GNAI1: variants seen among roughly 807,000 people sequenced by gnomAD.
GNAI1 encodes the protein G protein subunit alpha i1, also known as guanine nucleotide-binding protein G(i) subunit alpha-1.
GNAI1 carries 11 observed loss-of-function variants against 38.9 expected under a neutral mutation model. The ratio of observed to expected loss-of-function variants is 0.28; its 90% CI spans 0.18 to 0.47. The LOEUF is 0.47. GNAI1 is among the 20% of genes least tolerant of loss of function. GNAI1 has a pLI of 0.99. For missense variants in GNAI1, 317 were observed against 436.9 expected, an observed-to-expected ratio of 0.73 and a Z score of 2.45; for synonymous variants, 166 against 145.1, an observed-to-expected ratio of 1.14 and a Z score of -1.04.
intron 1 of GNAI1, among the ~76,000 whole-genome samples, chr7:80,159,237 C>T (rs1787876187): frequency 6.6e-6 from 1 of 152,042 alleles, no homozygotes; most frequent in South Asian, 2.1e-4. Context: ...TTAGCAGTGC[C>T]CTTGTGCCCT....
intron 1 of GNAI1, among the ~76,000 whole-genome samples, chr7:80,145,348 A>G (rs1346771993): frequency 1.3e-5 from 2 of 152,152 alleles, no homozygotes; most frequent in Non-Finnish European, 2.9e-5. Flanking sequence ...ATCAATCTAT[A>G]TATTTTTTAA....
chr7:80,142,318 G>A (rs1787541195), intron 1 of GNAI1, among the ~76,000 whole-genome samples: 2 of 152,082 alleles, frequency 1.3e-5, no homozygotes, highest in African/African-American at 4.8e-5. Context: ...TGACTATCAT[G>A]GTAACACTAA....
At chr7:80,144,885 C>G (rs905501480) in intron 1 of GNAI1, among the ~76,000 whole-genome samples, 1 of 152,146 alleles carries the variant, frequency 6.6e-6, no homozygotes, top group Non-Finnish European at 1.5e-5. Context: ...TGAGCACATT[C>G]AATCAGCAAT....
At chr7:80,152,558 CTTT>C (rs35141470) in intron 1 of GNAI1, among the ~76,000 whole-genome samples, 5 of 103,008 alleles carry the variant, frequency 4.9e-5, no homozygotes, top group Non-Finnish European at 5.9e-5. Context: ...GGTCTCAATT[CTTT>C]TTTTTTTTTT....
At chr7:80,195,935 T>C (rs1788562018) in intron 3 of GNAI1, among the ~76,000 whole-genome samples, 1 of 152,006 alleles carries the variant, frequency 6.6e-6, no homozygotes, top group African/African-American at 2.4e-5. Flanking sequence ...ACATGAACTC[T>C]GTTCTTTCTT....
At chr7:80,162,302 C>A (rs1584018983) in intron 1 of GNAI1, among the ~76,000 whole-genome samples, 1 of 152,198 alleles carries the variant, frequency 6.6e-6, no homozygotes, top group Non-Finnish European at 1.5e-5. Context: ...TACTCTCTTA[C>A]AGCAACCCAG....
intron 1 of GNAI1, among the ~76,000 whole-genome samples, chr7:80,152,943 T>TA (rs899525105): frequency 5.5e-4 from 81 of 147,872 alleles, no homozygotes; most frequent in South Asian, 2.1e-3. Flanking sequence ...TGAAATTTAT[T>TA]AAAAAAAAAA....
intron 1 of GNAI1, among the ~76,000 whole-genome samples, chr7:80,179,730 A>G (rs1353540061): frequency 6.6e-6 from 1 of 152,164 alleles, no homozygotes; most frequent in Non-Finnish European, 1.5e-5. Context: ...TTAATACAGC[A>G]GTTATGCCAG....
rs142859043 is a variant in GNAI1, at chr7:80,201,495, G to A, written c.461+2113G>A. Among the ~76,000 whole-genome samples the A allele has an allele frequency of 3.2e-3, 492 of 152,216 alleles. 1 individual carries two copies. Among genetic ancestry groups the A allele is most frequent in the African/African-American group, 0.011 (459 of 41,536 alleles). On this transcript the variant is annotated intron_variant, in intron 4 of 7. Coordinates refer to ENST00000649796, the MANE Select transcript of GNAI1 (RefSeq NM_002069.6). ...GCATTTTGGGAGGCTGAGGTGAGAG[G>A]ATCGCTTGAGCCCAGGAATTCCAGA...
At chr7:80,183,738 C>T (rs989094536) in intron 1 of GNAI1, among the ~76,000 whole-genome samples, 1 of 152,082 alleles carries the variant, frequency 6.6e-6, no homozygotes, top group Non-Finnish European at 1.5e-5. Flanking sequence ...TACCCCCAAC[C>T]AAATCAGAGG....
chr7:80,156,408 A>G (rs895242724), intron 1 of GNAI1, among the ~76,000 whole-genome samples: 1 of 151,974 alleles, frequency 6.6e-6, no homozygotes, highest in African/African-American at 2.4e-5. Flanking sequence ...GTCATGTCAT[A>G]TCATGTCTAC....
chr7:80,195,982 C>G (rs1234600926), intron 3 of GNAI1, among the ~76,000 whole-genome samples: 1 of 151,976 alleles, frequency 6.6e-6, no homozygotes, highest in African/African-American at 2.4e-5. Flanking sequence ...ATCATGCTCC[C>G]TTAAAGTCTT....
At chr7:80,151,567 T>C (rs1302364496) in intron 1 of GNAI1, among the ~76,000 whole-genome samples, 1 of 152,184 alleles carries the variant, frequency 6.6e-6, no homozygotes, top group Admixed American at 6.5e-5. Context: ...CTTTCTCTAA[T>C]TGCAAAGTCC....
At chr7:80,203,213 A>G (rs1788718683) in intron 4 of GNAI1, among the ~76,000 whole-genome samples, 1 of 152,196 alleles carries the variant, frequency 6.6e-6, no homozygotes, top group South Asian at 2.1e-4. Flanking sequence ...CCTGTATGTA[A>G]CATAAGACTG....
Position 80,135,143 on chromosome 7 carries a change from G to A in GNAI1, c.-18G>A. On this transcript the variant is annotated 5_prime_UTR_variant, in exon 1 of 8. Transcript: ENST00000649796. ...TCGGGCGCGGAGGGAGCGGCGGCAG[G>A]CTCTCGCTTTCGGCACCATGGGCTG... The A allele has an allele frequency of 1.4e-6, 2 of 1,473,468 alleles. No individual in the cohort carries two copies. Among genetic ancestry groups the A allele is most frequent in the Non-Finnish European group, 1.8e-6 (2 of 1,103,534 alleles). 91.3% of individuals were successfully genotyped at this position (1,473,468 alleles called of 1,614,324 possible).
chr7:80,168,326 C>A (rs1562830119), intron 1 of GNAI1, among the ~76,000 whole-genome samples: 1 of 152,152 alleles, frequency 6.6e-6, no homozygotes, highest in Non-Finnish European at 1.5e-5. Flanking sequence ...ACTAGAACAT[C>A]TGATTCACTT....
rs544663361 is a variant in GNAI1 at position 80,196,822 on chromosome 7, G to A, written c.304-2403G>A. On this transcript the variant is annotated intron_variant, in intron 3 of 7. Coordinates refer to ENST00000649796, the MANE Select transcript of GNAI1 (RefSeq NM_002069.6). ...AAAGAGGCTTGAAAAAATTATCTGA[G>A]CTTTACAACTTGATGTTATGAGATA... 3.7e-4 allele frequency among the ~76,000 whole-genome samples: 56 copies of A among 151,882 alleles called. 2 individuals carry two copies. In the South Asian group the frequency reaches 0.011, roughly 31 times the overall value.
intron 3 of GNAI1, among the ~76,000 whole-genome samples, chr7:80,189,784 A>G (rs1047615519): frequency 1.3e-5 from 2 of 152,146 alleles, no homozygotes; most frequent in African/African-American, 4.8e-5. Flanking sequence ...TTATTTTGCC[A>G]AGAAAGAAAC....
rs1236128014 is a variant in GNAI1 at position 80,137,266 on chromosome 7, T to C, written c.118+1988T>C. Among the ~76,000 whole-genome samples, 6 of 151,566 alleles carry C rather than the reference T, an allele frequency of 4.0e-5. No individual in the cohort carries two copies. The East Asian group carries it at 1.2e-3, about 29-fold the overall frequency. On this transcript the variant is annotated intron_variant, in intron 1 of 7. Coordinates refer to ENST00000649796, the MANE Select transcript of GNAI1 (RefSeq NM_002069.6). ...GAGGCCTCATTTTCAGAAGAAATTATGGAATTCTTATTTCTTTTTCTTTTT... is the reference window on the plus strand; with the variant it reads ...GAGGCCTCATTTTCAGAAGAAATTACGGAATTCTTATTTCTTTTTCTTTTT...
Sources: gnomAD v4.1 joint callset for allele counts (sites outside exome capture counted in the v4.1 genomes callset) on GRCh38, gnomAD v4.1.1 for gene constraint, MANE v1.5 for transcripts, NCBI Gene and HGNC (gene_info 2026-07-23, HGNC 2026-07-21) for gene names.